GADL1: variants seen among roughly 807,000 people sequenced by gnomAD.
The protein encoded by GADL1 is GAD like acidic amino acid decarboxylase 1.
Under a neutral mutation model 69.5 loss-of-function variants are expected in GADL1, and 71 were observed. That is an observed-to-expected ratio of 1.02 (90% CI 0.84 to 1.25). The LOEUF (loss-of-function observed/expected upper bound fraction) is 1.25. Among genes scored for constraint, GADL1 ranks in the 50% most tolerant of loss-of-function variants. The pLI, the probability that GADL1 is intolerant of heterozygous loss-of-function variation, is 0.00. For synonymous variants in GADL1, 254 were observed against 214.4 expected (o/e 1.18, Z -1.62); for missense variants, 737 against 631.8 (o/e 1.17, Z -1.79).
intron 13 of GADL1, among the ~76,000 whole-genome samples, chr3:30,785,008 G>A (rs138735106): frequency 1.3e-5 from 2 of 152,088 alleles, no homozygotes; most frequent in Non-Finnish European, 2.9e-5. Context: ...CATCCGCATG[G>A]CTTGCTGTTT....
chr3:30,816,239 C>A (rs551356648), intron 11 of GADL1, among the ~76,000 whole-genome samples: 1 of 151,926 alleles, frequency 6.6e-6, no homozygotes, highest in Non-Finnish European at 1.5e-5. Flanking sequence ...GCAGAAAGGC[C>A]CCCTGGAAGA....
chr3:30,731,223 C>T (rs1247597740), intron 14 of GADL1, among the ~76,000 whole-genome samples: 1 of 152,170 alleles, frequency 6.6e-6, no homozygotes, highest in Non-Finnish European at 1.5e-5. Flanking sequence ...CTTCATGTTC[C>T]TCTCCTTCGT....
At chr3:30,819,206 CACTTAT>C (rs35127077) in intron 11 of GADL1, among the ~76,000 whole-genome samples, 53,150 of 151,368 alleles carry the variant, frequency 0.35, 12,995 homozygotes, top group African/African-American at 0.66. Context: ...CCCGGGTTTA[CACTTAT>C]ACTTAAGAAT....
intron 11 of GADL1, among the ~76,000 whole-genome samples, chr3:30,820,930 C>T (rs1327669183): frequency 6.6e-6 from 1 of 151,594 alleles, no homozygotes; most frequent in Admixed American, 6.6e-5. Flanking sequence ...CCCAAATGTC[C>T]AACAATGATA....
intron 14 of GADL1, among the ~76,000 whole-genome samples, chr3:30,758,630 TACGA>T (rs1395711547): frequency 6.6e-6 from 1 of 152,224 alleles, no homozygotes; most frequent in Admixed American, 6.5e-5. Context: ...GTGGACCTTC[TACGA>T]ATATATCAAC....
At chr3:30,780,235 G>A (rs1696634301) in intron 13 of GADL1, among the ~76,000 whole-genome samples, 1 of 152,156 alleles carries the variant, frequency 6.6e-6, no homozygotes, top group South Asian at 2.1e-4. Context: ...CATGGCCCCT[G>A]TAGATGGCTT....
At chr3:30,824,171 A>C (rs980761754) in intron 11 of GADL1, among the ~76,000 whole-genome samples, 4 of 151,822 alleles carry the variant, frequency 2.6e-5, no homozygotes, top group African/African-American at 9.7e-5. Context: ...AAATATTTTT[A>C]AAGCTTGAAA....
intron 14 of GADL1, among the ~76,000 whole-genome samples, chr3:30,754,479 C>T (rs1695915393): frequency 7.3e-6 from 1 of 137,888 alleles, no homozygotes; most frequent in South Asian, 2.4e-4. Context: ...ATGACGGACT[C>T]TCGAATCTTC....
chr3:30,877,877 C>A (rs2125543714), intron 1 of GADL1, among the ~76,000 whole-genome samples: 1 of 151,900 alleles, frequency 6.6e-6, no homozygotes, highest in East Asian at 1.9e-4. Flanking sequence ...CAGTGGCTTG[C>A]TGTCATCAAG....
intron 6 of GADL1, among the ~76,000 whole-genome samples, chr3:30,845,240 A>T (rs1698034643): frequency 6.6e-6 from 1 of 152,180 alleles, no homozygotes; most frequent in Admixed American, 6.5e-5. Flanking sequence ...TTATTGATAA[A>T]TAGTAGTGTG....
chr3:30,851,090 A>G, intron 4 of GADL1, 149 bp from the exon 5 acceptor site: 1 of 565,144 alleles, frequency 1.8e-6, no homozygotes, highest in Non-Finnish European at 3.2e-6. Context: ...ATAGAGAATT[A>G]CTCCATCAGT....
At chr3:30,810,306 G>A (rs1697325946) in intron 11 of GADL1, among the ~76,000 whole-genome samples, 1 of 152,132 alleles carries the variant, frequency 6.6e-6, no homozygotes, top group East Asian at 1.9e-4. Context: ...TAACTTCACA[G>A]CTATCTGTGA....
At chr3:30,749,774 T>G (rs1695772974) in intron 14 of GADL1, among the ~76,000 whole-genome samples, 1 of 152,236 alleles carries the variant, frequency 6.6e-6, no homozygotes, top group Non-Finnish European at 1.5e-5. Flanking sequence ...GCTGAACAGC[T>G]GACACGAGCT....
Position 30,753,000 on chromosome 3 carries a change from TTTTAAAAATAGA to T in GADL1, c.1393-24597_1393-24586del, listed in dbSNP as rs575478781. On this transcript the variant is annotated intron_variant, in intron 14 of 14. Transcript: ENST00000282538. ...TTGTCAGCAGTATTTAAATATTAAA[TTTTAAAAATAGA>T]TTCCTAAAGGAGAGTCATAACGGGC... 3.4e-3 allele frequency among the ~76,000 whole-genome samples: 519 copies of T among 152,276 alleles called. 2 individuals are homozygous for T. The highest frequency in any genetic ancestry group is 0.012 in the African/African-American group (502 of 41,558).
chr3:30,856,083 C>G (rs151222609), intron 3 of GADL1, among the ~76,000 whole-genome samples: 458 of 152,110 alleles, frequency 3.0e-3, no homozygotes, highest in African/African-American at 0.011. Context: ...TTGACATGCA[C>G]TGGTAATAAT....
chr3:30,816,721 T>G (rs1160375204), intron 11 of GADL1, among the ~76,000 whole-genome samples: 4 of 151,756 alleles, frequency 2.6e-5, no homozygotes, highest in Admixed American at 6.6e-5. Flanking sequence ...ACTTTTTGTG[T>G]TTTTGGTAGA....
At chr3:30,801,778 C>T (rs1697169970) in intron 11 of GADL1, among the ~76,000 whole-genome samples, 1 of 152,128 alleles carries the variant, frequency 6.6e-6, no homozygotes, top group African/African-American at 2.4e-5. Context: ...GACCTCAAAT[C>T]ATTAAAGTTG....
chr3:30,776,171 C>T (rs1198057677), intron 14 of GADL1, among the ~76,000 whole-genome samples: 2 of 152,188 alleles, frequency 1.3e-5, no homozygotes, highest in East Asian at 3.9e-4. Flanking sequence ...AAACATGAGT[C>T]TGTCTAGTTA....
At chr3:30,788,322 G>C (rs963679578) in intron 12 of GADL1, among the ~76,000 whole-genome samples, 7 of 152,312 alleles carry the variant, frequency 4.6e-5, no homozygotes, top group African/African-American at 4.8e-5. Flanking sequence ...GTTCCTCAGT[G>C]TATATAAAGG....
Sources: gnomAD v4.1 joint callset for allele counts (sites outside exome capture counted in the v4.1 genomes callset) on GRCh38, gnomAD v4.1.1 for gene constraint, MANE v1.5 for transcripts, NCBI Gene and HGNC (gene_info 2026-07-23, HGNC 2026-07-21) for gene names.